Variants in SLC24A2 observed in about 807,000 individuals in gnomAD.
SLC24A2 encodes solute carrier family 24 member 2, also known as sodium/potassium/calcium exchanger 2.
In SLC24A2, 36 loss-of-function variants were observed where a neutral mutation model predicts 62.0. The ratio of observed to expected loss-of-function variants is 0.58; its 90% CI spans 0.44 to 0.77. SLC24A2 has a LOEUF of 0.77. Among genes scored for constraint, SLC24A2 ranks in the 30% least tolerant of loss-of-function variants. The probability of loss-of-function intolerance (pLI) is 0.00; values close to 1 mark genes in which losing one functional copy is unlikely to be tolerated. For synonymous variants in SLC24A2, 358 were observed against 294.0 expected, an observed-to-expected ratio of 1.22 and a Z score of -2.23; for missense variants, 846 against 817.9, an observed-to-expected ratio of 1.03 and a Z score of -0.42.
chr9:20,156,724 G>T, the SLC24A2 span, among the ~76,000 whole-genome samples: 1 of 151,670 alleles, frequency 6.6e-6, no homozygotes, highest in African/African-American at 2.4e-5. Flanking sequence ...TCTACCAAAT[G>T]TTCCACCAAT....
the SLC24A2 span, among the ~76,000 whole-genome samples, chr9:20,193,098 T>A: frequency 1.3e-5 from 2 of 152,288 alleles, no homozygotes; most frequent in South Asian, 4.1e-4. Flanking sequence ...CTGCTCTAGT[T>A]TCTTCTGGTG....
chr9:20,042,901 A>T, the SLC24A2 span, among the ~76,000 whole-genome samples: 5 of 152,242 alleles, frequency 3.3e-5, no homozygotes, highest in African/African-American at 4.8e-5. Context: ...AGCCATGCCC[A>T]TGTAAGATGG....
At chr9:19,789,986 T>C (rs1823290833), upstream of SLC24A2, among the ~76,000 whole-genome samples, 1 of 152,212 alleles carries the variant, frequency 6.6e-6, no homozygotes, top group Non-Finnish European at 1.5e-5. Flanking sequence ...AGTACAGCTC[T>C]GTAGTCAGAC....
chr9:19,765,124 T>C (rs1822470723), intron 2 of SLC24A2, among the ~76,000 whole-genome samples: 1 of 150,614 alleles, frequency 6.6e-6, no homozygotes. Context: ...AACTCCTGCT[T>C]TTTTTTTTGC....
chr9:19,548,432 C>G (rs1457316227), intron 8 of SLC24A2, among the ~76,000 whole-genome samples: 3 of 152,138 alleles, frequency 2.0e-5, no homozygotes, highest in Admixed American at 6.5e-5. Flanking sequence ...CTTATGCCAA[C>G]AATATACATA....
At chr9:19,550,058 C>G in intron 8 of SLC24A2, 79 bp downstream of exon 8, 1 of 1,465,450 alleles carries the variant, frequency 6.8e-7, no homozygotes, top group Non-Finnish European at 9.5e-7. Context: ...TTCCTTTTAA[C>G]ACAAACTGAA....
the SLC24A2 span, among the ~76,000 whole-genome samples, chr9:20,265,036 C>A: frequency 2.0e-5 from 3 of 152,360 alleles, no homozygotes; most frequent in African/African-American, 7.2e-5. Context: ...TCTTTCACCA[C>A]CTGAGGATAC....
At chr9:19,587,820 C>T (rs946702241) in intron 5 of SLC24A2, among the ~76,000 whole-genome samples, 7 of 152,204 alleles carry the variant, frequency 4.6e-5, no homozygotes, top group African/African-American at 1.4e-4. Flanking sequence ...CATTTAACAC[C>T]TTCTACATAT....
the SLC24A2 span, among the ~76,000 whole-genome samples, chr9:19,961,619 C>A: frequency 1.3e-5 from 2 of 152,216 alleles, no homozygotes; most frequent in Non-Finnish European, 2.9e-5. Flanking sequence ...TCCTGGTATT[C>A]ATGCTCTGTG....
the SLC24A2 span, among the ~76,000 whole-genome samples, chr9:20,077,118 G>C: frequency 0.042 from 6,421 of 151,968 alleles, 177 homozygotes; most frequent in Middle Eastern, 0.088. Context: ...GAATAAAAAA[G>C]TGGTAATCAG....
the SLC24A2 span, among the ~76,000 whole-genome samples, chr9:19,882,376 T>C: frequency 1.3e-5 from 2 of 152,206 alleles, no homozygotes; most frequent in Non-Finnish European, 2.9e-5. Flanking sequence ...TTTTTTTCCT[T>C]CTGAAATTTT....
chr9:20,165,069 G>C, the SLC24A2 span, among the ~76,000 whole-genome samples: 8 of 151,054 alleles, frequency 5.3e-5, no homozygotes, highest in South Asian at 4.2e-4. Context: ...CACCAGCATG[G>C]CACATGTATA....
the SLC24A2 span, among the ~76,000 whole-genome samples, chr9:19,883,383 G>C: frequency 9.9e-5 from 15 of 152,258 alleles, no homozygotes; most frequent in African/African-American, 2.9e-4. Flanking sequence ...AAATTTAATA[G>C]AGATAAGAAA....
At chr9:20,077,161 G>A in the SLC24A2 span, among the ~76,000 whole-genome samples, 1 of 152,038 alleles carries the variant, frequency 6.6e-6, no homozygotes, top group Admixed American at 6.6e-5. Flanking sequence ...TAAATGGGGA[G>A]ATGTAGGTCA....
intron 9 of SLC24A2, among the ~76,000 whole-genome samples, chr9:19,521,990 C>G (rs1198068051): frequency 6.6e-6 from 1 of 150,560 alleles, no homozygotes; most frequent in African/African-American, 2.4e-5. Flanking sequence ...TGTTTGTCTT[C>G]TTGGGACTTT....
intron 2 of SLC24A2, among the ~76,000 whole-genome samples, chr9:19,769,758 G>A (rs953513690): frequency 1.3e-5 from 2 of 152,066 alleles, no homozygotes; most frequent in Non-Finnish European, 2.9e-5. Context: ...CATGAGTCCT[G>A]GTGGACACTG....
intron 2 of SLC24A2, among the ~76,000 whole-genome samples, chr9:19,754,563 C>A (rs926153484): frequency 6.6e-6 from 1 of 152,164 alleles, no homozygotes; most frequent in South Asian, 2.1e-4. Flanking sequence ...TTCAGCCAAT[C>A]AGACACTCTC....
chr9:19,728,817 T>C (rs562205860), intron 2 of SLC24A2, among the ~76,000 whole-genome samples: 2 of 152,290 alleles, frequency 1.3e-5, no homozygotes, highest in South Asian at 4.1e-4. Flanking sequence ...AGAGGGCATA[T>C]TCAATATCAA....
At chr9:20,117,123 A>T in the SLC24A2 span, among the ~76,000 whole-genome samples, 1 of 152,166 alleles carries the variant, frequency 6.6e-6, no homozygotes, top group Non-Finnish European at 1.5e-5. Context: ...CGCCATCATC[A>T]TGCCCAGCCA....
Sources: allele counts gnomAD v4.1 joint callset (sites outside exome capture counted in the v4.1 genomes callset), GRCh38; gene constraint gnomAD v4.1.1; transcripts MANE v1.5; gene names NCBI Gene and HGNC (gene_info 2026-07-23, HGNC 2026-07-21).